Variants in ARHGAP44 observed in about 807,000 individuals in gnomAD.
The protein encoded by ARHGAP44 is rho GTPase-activating protein 44.
ARHGAP44 carries 43 observed loss-of-function variants against 106.8 expected under a neutral mutation model. The ratio of observed to expected loss-of-function variants is 0.40; its 90% CI spans 0.32 to 0.52. The LOEUF is 0.52. Among genes scored for constraint, ARHGAP44 ranks in the 20% least tolerant of loss-of-function variants. ARHGAP44 has a pLI of 0.48. For missense variants in ARHGAP44, 866 were observed against 1,050.5 expected (o/e 0.82, Z 2.43); for synonymous variants, 439 against 410.3 (o/e 1.07, Z -0.85).
At chr17:12,911,327 TTTTTTTTTTCCTTAAAAGACA>T (rs2037731878) in intron 4 of ARHGAP44, among the ~76,000 whole-genome samples, 1 of 96,338 alleles carries the variant, frequency 1.0e-5, no homozygotes. Context: ...ATATGGAGAT[TTTTTTTTTTCCTTAAAAGACA>T]TAAACCCACA....
intron 1 of ARHGAP44, among the ~76,000 whole-genome samples, chr17:12,874,926 T>G: frequency 7.5e-6 from 1 of 133,870 alleles, no homozygotes; most frequent in African/African-American, 2.9e-5. Context: ...CAGGGCAGGA[T>G]TGGAGAGGGA....
chr17:12,839,653 G>C (rs1047167353), intron 1 of ARHGAP44, among the ~76,000 whole-genome samples: 1 of 152,132 alleles, frequency 6.6e-6, no homozygotes, highest in Non-Finnish European at 1.5e-5. Context: ...TTTAGTAGAG[G>C]TATTTCACCA....
At chr17:12,861,387 C>T (rs1392942722) in intron 1 of ARHGAP44, among the ~76,000 whole-genome samples, 1 of 152,106 alleles carries the variant, frequency 6.6e-6, no homozygotes, top group African/African-American at 2.4e-5. Flanking sequence ...TTCTGGAGGT[C>T]AGAAGTCTGG....
intron 6 of ARHGAP44, among the ~76,000 whole-genome samples, chr17:12,923,141 C>T (rs139748298): frequency 9.9e-5 from 15 of 152,262 alleles, no homozygotes; most frequent in African/African-American, 3.4e-4. Flanking sequence ...TTTATCACAT[C>T]GGTGATTTTT....
chr17:12,805,840 T>G (rs2034259121), intron 1 of ARHGAP44, among the ~76,000 whole-genome samples: 1 of 152,172 alleles, frequency 6.6e-6, no homozygotes, highest in Non-Finnish European at 1.5e-5. Context: ...TGTGATGCAG[T>G]CTCCACAAAG....
chr17:12,884,615 A>G (rs972137891), intron 1 of ARHGAP44, among the ~76,000 whole-genome samples: 5 of 152,190 alleles, frequency 3.3e-5, no homozygotes, highest in African/African-American at 9.7e-5. Flanking sequence ...AGATTTATGT[A>G]ACCTCCACCA....
intron 3 of ARHGAP44, among the ~76,000 whole-genome samples, chr17:12,907,263 C>T (rs935725784): frequency 3.3e-5 from 5 of 152,186 alleles, no homozygotes; most frequent in African/African-American, 1.2e-4. Context: ...GGTCTTAGTT[C>T]AGAAAGGAGA....
intron 1 of ARHGAP44, among the ~76,000 whole-genome samples, chr17:12,814,785 TCTTC>T (rs1360800931): frequency 4.1e-4 from 63 of 152,154 alleles, no homozygotes; most frequent in Admixed American, 4.1e-3. Context: ...TGTTTTCCTC[TCTTC>T]CTTCTTATCT....
intron 16 of ARHGAP44, among the ~76,000 whole-genome samples, chr17:12,969,153 A>T (rs2039465691): frequency 6.6e-6 from 1 of 152,188 alleles, no homozygotes; most frequent in Admixed American, 6.5e-5. Flanking sequence ...ATCTGATGAG[A>T]AACCTGATAA....
intron 1 of ARHGAP44, among the ~76,000 whole-genome samples, chr17:12,887,607 T>G (rs2036919894): frequency 6.6e-6 from 1 of 152,092 alleles, no homozygotes; most frequent in South Asian, 2.1e-4. Context: ...CTATAATTAT[T>G]TTTTTGGTCA....
intron 1 of ARHGAP44, among the ~76,000 whole-genome samples, chr17:12,838,139 T>A (rs992264303): frequency 3.3e-5 from 5 of 152,230 alleles, no homozygotes; most frequent in African/African-American, 1.2e-4. Flanking sequence ...ATTTGGTCAT[T>A]TTATACATCT....
intron 1 of ARHGAP44, among the ~76,000 whole-genome samples, chr17:12,849,681 T>A (rs2035685121): frequency 6.6e-6 from 1 of 151,172 alleles, no homozygotes; most frequent in African/African-American, 2.4e-5. Context: ...CAAACTTAGT[T>A]CTTAACAGAT....
chr17:12,822,958 C>T (rs901785890), intron 1 of ARHGAP44, among the ~76,000 whole-genome samples: 2 of 152,264 alleles, frequency 1.3e-5, no homozygotes, highest in Admixed American at 6.5e-5. Flanking sequence ...ATTTTGCTTT[C>T]TTTCTATCTT....
chr17:12,880,417 A>G (rs2036691746), intron 1 of ARHGAP44, among the ~76,000 whole-genome samples: 2 of 152,214 alleles, frequency 1.3e-5, no homozygotes, highest in Non-Finnish European at 2.9e-5. Flanking sequence ...ATTTTATTAC[A>G]TATACATTTA....
intron 1 of ARHGAP44, among the ~76,000 whole-genome samples, chr17:12,885,194 C>T (rs1389603825): frequency 6.6e-6 from 1 of 152,234 alleles, no homozygotes; most frequent in Non-Finnish European, 1.5e-5. Flanking sequence ...CCATCGCACC[C>T]AGCACCTGCT....
chr17:12,812,201 TG>T, intron 1 of ARHGAP44, among the ~76,000 whole-genome samples: 2 of 152,206 alleles, frequency 1.3e-5, no homozygotes, highest in Non-Finnish European at 2.9e-5. Flanking sequence ...ATAAACACAC[TG>T]CTGATATTTG....
Position 12,958,726 on chromosome 17 carries a change from TC to T in ARHGAP44, c.1353del (p.Phe451LeufsTer13). ...ADWFFPGEIE[F>X]NITGNYGSPV... Reference sequence around the variant, plus strand: ...TCTTTCTTCCCCGCAGAGATAGAGTTCAACATTACTGGCAATTATGGGAGTC... The same window carrying T: ...TCTTTCTTCCCCGCAGAGATAGAGTTAACATTACTGGCAATTATGGGAGTC... On this transcript the variant is annotated frameshift_variant, in exon 16 of 21. Transcript: ENST00000379672. LOFTEE classifies it high-confidence loss of function. This position sits in a 1 kb window ranked among gnomAD's most constrained non-coding sequence, Gnocchi z 4.1. The T allele has an allele frequency of 6.2e-7, 1 of 1,613,866 alleles. No individual in the cohort carries two copies. Among genetic ancestry groups the T allele is most frequent in the Non-Finnish European group, 8.5e-7 (1 of 1,179,844 alleles).
chr17:12,857,128 G>A (rs1024897144), intron 1 of ARHGAP44, among the ~76,000 whole-genome samples: 1 of 152,194 alleles, frequency 6.6e-6, no homozygotes, highest in Non-Finnish European at 1.5e-5. Flanking sequence ...TCTGTTCCAA[G>A]TCCCTGGCAA....
chr17:12,847,340 C>T (rs2035597243), intron 1 of ARHGAP44, among the ~76,000 whole-genome samples: 1 of 151,988 alleles, frequency 6.6e-6, no homozygotes, highest in Non-Finnish European at 1.5e-5. Flanking sequence ...TATAGCTGAA[C>T]TCATGAGGTG....
Sources: allele counts gnomAD v4.1 joint callset (sites outside exome capture counted in the v4.1 genomes callset), GRCh38; gene constraint gnomAD v4.1.1; non-coding constraint Gnocchi (gnomAD v3.1); transcripts MANE v1.5; gene names NCBI Gene and HGNC (gene_info 2026-07-23, HGNC 2026-07-21).